Variants in RHBDD1 observed in about 807,000 individuals in gnomAD.
The protein encoded by RHBDD1 is rhomboid domain containing 1.
RHBDD1 carries 38 observed loss-of-function variants against 36.3 expected under a neutral mutation model. The observed-to-expected ratio is 1.05, with a 90% CI of 0.81 to 1.37. The LOEUF (loss-of-function observed/expected upper bound fraction) is 1.37, where lower values mean the gene tolerates loss of function less well. RHBDD1 is among the 40% of genes most tolerant of loss of function. The pLI is 0.00. For missense variants in RHBDD1, 393 were observed against 377.6 expected, an observed-to-expected ratio of 1.04 and a Z score of -0.34; for synonymous variants, 151 against 136.5, an observed-to-expected ratio of 1.11 and a Z score of -0.74.
At chr2:226,929,704 T>C (rs10207404) in intron 8 of RHBDD1, among the ~76,000 whole-genome samples, 69,598 of 151,812 alleles carry the variant, frequency 0.46, 16,160 homozygotes, top group African/African-American at 0.53. Flanking sequence ...AGTCAAAATG[T>C]CTCTGTTTGC....
chr2:226,954,710 CT>C (rs1951673970), intron 8 of RHBDD1, among the ~76,000 whole-genome samples: 1 of 151,796 alleles, frequency 6.6e-6, no homozygotes, highest in Non-Finnish European at 1.5e-5. Context: ...GGAGGCCATG[CT>C]ATGAAGAAAA....
intron 8 of RHBDD1, among the ~76,000 whole-genome samples, chr2:226,956,262 G>A (rs139604294): frequency 7.2e-4 from 109 of 152,194 alleles, no homozygotes; most frequent in African/African-American, 2.4e-3. Context: ...ATCCTGAGGC[G>A]CGCAGTCCCA....
At chr2:226,944,422 G>A (rs1244019903) in intron 8 of RHBDD1, among the ~76,000 whole-genome samples, 1 of 152,150 alleles carries the variant, frequency 6.6e-6, no homozygotes, top group Non-Finnish European at 1.5e-5. Flanking sequence ...GACACTGTCA[G>A]AGTTAATAAG....
intron 5 of RHBDD1, among the ~76,000 whole-genome samples, chr2:226,900,179 G>T (rs967331936): frequency 7.2e-5 from 11 of 152,126 alleles, no homozygotes; most frequent in African/African-American, 2.4e-4. Context: ...CTCATCAGGC[G>T]CTTAAAGGTA....
At chr2:226,962,327 G>A (rs941155810) in intron 8 of RHBDD1, among the ~76,000 whole-genome samples, 5 of 152,204 alleles carry the variant, frequency 3.3e-5, no homozygotes, top group African/African-American at 4.8e-5. Context: ...AAGTCTTTGC[G>A]TCTTTCCAAG....
chr2:226,988,432 C>G (rs140122767), intron 8 of RHBDD1: 4 of 1,550,254 alleles, frequency 2.6e-6, no homozygotes, highest in South Asian at 2.4e-5. Flanking sequence ...TGAAGCAGGC[C>G]GCAGTTTGGA....
intron 5 of RHBDD1, among the ~76,000 whole-genome samples, chr2:226,885,614 G>A (rs1418924045): frequency 6.6e-6 from 1 of 151,936 alleles, no homozygotes; most frequent in African/African-American, 2.4e-5. Flanking sequence ...CATACAAAAA[G>A]GACTAGAGAG....
chr2:226,834,043 C>T (rs2124871723), upstream of RHBDD1, among the ~76,000 whole-genome samples: 1 of 152,102 alleles, frequency 6.6e-6, no homozygotes, highest in South Asian at 2.1e-4. Context: ...TGAAACAGAA[C>T]ATAATTACCT....
At chr2:226,953,482 AAG>A (rs903402080) in intron 8 of RHBDD1, among the ~76,000 whole-genome samples, 1 of 152,190 alleles carries the variant, frequency 6.6e-6, no homozygotes, top group Non-Finnish European at 1.5e-5. Context: ...GCACCCTGGA[AAG>A]AGAGGTTGTT....
At chr2:226,975,269 A>T (rs1954361960) in intron 8 of RHBDD1, among the ~76,000 whole-genome samples, 1 of 152,170 alleles carries the variant, frequency 6.6e-6, no homozygotes, top group Non-Finnish European at 1.5e-5. Context: ...TGTGGTACTC[A>T]TTTCACTACA....
chr2:226,897,890 A>G (rs1947245040), intron 5 of RHBDD1, among the ~76,000 whole-genome samples: 1 of 152,138 alleles, frequency 6.6e-6, no homozygotes, highest in South Asian at 2.1e-4. Flanking sequence ...GAGGCAGGAG[A>G]ATCACTTGAA....
At chr2:226,875,478 A>G (rs1227363879) in intron 5 of RHBDD1, among the ~76,000 whole-genome samples, 1 of 152,188 alleles carries the variant, frequency 6.6e-6, no homozygotes, top group Non-Finnish European at 1.5e-5. Context: ...CTAAATCAAT[A>G]CACTATTTCC....
chr2:226,832,261 T>A (rs1940762121), upstream of RHBDD1, among the ~76,000 whole-genome samples: 1 of 152,230 alleles, frequency 6.6e-6, no homozygotes. Context: ...CCATGAGTAA[T>A]CTAATTTCCA....
chr2:226,852,415 T>C (rs899182259), intron 3 of RHBDD1, among the ~76,000 whole-genome samples: 2 of 152,164 alleles, frequency 1.3e-5, no homozygotes, highest in Admixed American at 6.5e-5. Flanking sequence ...ATATGGCACC[T>C]TTGGCAGGTT....
At position 226,972,522 on chromosome 2, in the gene RHBDD1, A is replaced by G. The variant is rs140604922; in HGVS notation, c.857-22909A>G. 6.5e-3 allele frequency among the ~76,000 whole-genome samples: 994 copies of G among 152,296 alleles called. 12 individuals carry two copies. Among genetic ancestry groups the G allele is most frequent in the African/African-American group, 0.022 (922 of 41,550 alleles). The stretch of plus-strand genomic sequence containing the variant: ...CTCCACCCAGTTCATCTGGACTCCC[A>G]GGGTCACTAGATGGCACCAGGGCAG... On this transcript the variant is annotated intron_variant, in intron 8 of 8. Transcript: ENST00000392062.
chr2:226,894,723 A>G (rs1946960588), intron 5 of RHBDD1, among the ~76,000 whole-genome samples: 1 of 152,220 alleles, frequency 6.6e-6, no homozygotes, highest in Admixed American at 6.5e-5. Flanking sequence ...AAGGAACATT[A>G]CAAAATATTT....
At chr2:226,850,886 A>G (rs1190101388) in intron 3 of RHBDD1, among the ~76,000 whole-genome samples, 6 of 152,166 alleles carry the variant, frequency 3.9e-5, no homozygotes, top group Admixed American at 3.3e-4. Flanking sequence ...ACCATGAGAA[A>G]AGGAAAGCTG....
the RHBDD1 span, among the ~76,000 whole-genome samples, chr2:226,821,571 C>A: frequency 1.3e-5 from 2 of 151,630 alleles, no homozygotes; most frequent in Admixed American, 6.6e-5. Context: ...TTGTTCAGAG[C>A]TGTCATTACC....
At chr2:226,900,772 G>A (rs2396431) in intron 5 of RHBDD1, among the ~76,000 whole-genome samples, 67,752 of 151,918 alleles carry the variant, frequency 0.45, 15,273 homozygotes, top group South Asian at 0.52. Context: ...TGTTTAAGGT[G>A]TATAATGTGA....
Sources: gnomAD v4.1 joint callset for allele counts (sites outside exome capture counted in the v4.1 genomes callset) on GRCh38, gnomAD v4.1.1 for gene constraint, MANE v1.5 for transcripts, NCBI Gene and HGNC (gene_info 2026-07-23, HGNC 2026-07-21) for gene names.